KCNQ3: variants seen among roughly 807,000 people sequenced by gnomAD.
KCNQ3 encodes potassium voltage-gated channel subfamily Q member 3.
A neutral mutation model predicts 92.5 loss-of-function variants in KCNQ3; 30 were observed. That is an observed-to-expected ratio of 0.32 (90% CI 0.24 to 0.44). KCNQ3 has a LOEUF of 0.44. KCNQ3 is among the 20% of genes least tolerant of loss of function. KCNQ3 has a pLI of 1.00. For synonymous variants in KCNQ3, 450 were observed against 468.8 expected (o/e 0.96, Z 0.52); for missense variants, 913 against 1,140.3 (o/e 0.80, Z 2.87).
intron 1 of KCNQ3, among the ~76,000 whole-genome samples, chr8:132,289,676 C>T (rs1357612221): frequency 6.6e-6 from 1 of 152,134 alleles, no homozygotes; most frequent in Non-Finnish European, 1.5e-5. Flanking sequence ...TGGGTAAAGA[C>T]ATGGATTTTG....
chr8:132,204,234 C>T (rs745831997), intron 1 of KCNQ3, among the ~76,000 whole-genome samples: 11 of 152,192 alleles, frequency 7.2e-5, no homozygotes, highest in Non-Finnish European at 1.3e-4. Context: ...TGAGCTGCGC[C>T]GGAGGCAGAT....
Position 132,180,325 on chromosome 8 carries a change from G to A in KCNQ3, c.609C>T (p.Ile203=), listed in dbSNP as rs574174380. The A allele has an allele frequency of 5.0e-5, 80 of 1,614,034 alleles. 1 individual carries two copies. The South Asian group carries it at 8.2e-4, about 17-fold the overall frequency. The change falls in exon 4 of 15, where the codon ATC becomes ATT. Residue 203 remains isoleucine, a synonymous_variant. Transcript: ENST00000388996. ...CTGGCACAGAGGCAATCAGCACAAA[G>A]ATGTCTGGGAGAGAGGACAGACAGA... is the stretch of plus-strand genomic sequence containing the variant. ...FARKPLCMLD[I]FVLIASVPVV... is the part of the protein sequence containing the mutation.
chr8:132,404,867 C>G (rs1440591634), intron 1 of KCNQ3, among the ~76,000 whole-genome samples: 1 of 152,190 alleles, frequency 6.6e-6, no homozygotes, highest in East Asian at 1.9e-4. Context: ...GCAATAACCC[C>G]ATTGTCCTGA....
intron 1 of KCNQ3, among the ~76,000 whole-genome samples, chr8:132,322,442 A>G (rs950649582): frequency 2.0e-5 from 3 of 152,174 alleles, no homozygotes; most frequent in Non-Finnish European, 4.4e-5. Flanking sequence ...GCCCAGTGAC[A>G]TGGAGAAGCC....
At chr8:132,313,979 T>C (rs9297842) in intron 1 of KCNQ3, among the ~76,000 whole-genome samples, 152,241 of 152,302 alleles carry the variant, frequency 1, 76,091 homozygotes, top group Non-Finnish European at 1. Context: ...AAGTTAAGAA[T>C]AGAGAGGATA....
intron 1 of KCNQ3, among the ~76,000 whole-genome samples, chr8:132,449,415 C>T (rs1821769773): frequency 6.6e-6 from 1 of 152,066 alleles, no homozygotes; most frequent in Non-Finnish European, 1.5e-5. Context: ...AATTTCCCAT[C>T]CCCCCTCCAC....
intron 1 of KCNQ3, among the ~76,000 whole-genome samples, chr8:132,416,759 G>C (rs1820819089): frequency 6.6e-6 from 1 of 152,162 alleles, no homozygotes; most frequent in African/African-American, 2.4e-5. Flanking sequence ...TCTAGAGGAA[G>C]GTGGTGCCCA....
intron 4 of KCNQ3, among the ~76,000 whole-genome samples, chr8:132,178,252 T>G (rs2130145999): frequency 6.6e-6 from 1 of 152,196 alleles, no homozygotes; most frequent in South Asian, 2.1e-4. Flanking sequence ...AAAGATAAAA[T>G]AGAAGGTCAG....
chr8:132,480,476 GC>G lies in KCNQ3; in HGVS notation c.56del (p.Gly19AlafsTer75), dbSNP rs1488204771. On this transcript the variant is annotated frameshift_variant, in exon 1 of 15. Coordinates refer to ENST00000388996, the MANE Select transcript of KCNQ3 (RefSeq NM_004519.4). LOFTEE classifies it high-confidence loss of function. Reference sequence around the variant, plus strand: ...GGTTAGCCGCCCCGCCGCCTCCGCCGCCCCCGTCGCCGCCGCCGCCAGCCGC... The same window carrying G: ...GGTTAGCCGCCCCGCCGCCTCCGCCGCCCCGTCGCCGCCGCCGCCAGCCGC... ...AGAAGGGGDGGGGGGGAANPA... is the reference protein window; with the variant it reads ...AGAAGGGGDGXGGGGGAANPA... 2.5e-6 allele frequency: 3 copies of G among 1,223,464 alleles called. No individual in the cohort carries two copies. The highest frequency in any genetic ancestry group is 3.2e-5 in the African/African-American group (2 of 62,732). 75.8% of individuals were successfully genotyped at this position (1,223,464 alleles called of 1,614,324 possible).
chr8:132,372,853 T>C (rs2130740766), intron 1 of KCNQ3, among the ~76,000 whole-genome samples: 1 of 150,234 alleles, frequency 6.7e-6, no homozygotes, highest in Non-Finnish European at 1.5e-5. Flanking sequence ...CATCAGCTCA[T>C]GGGCCGGTTG....
intron 1 of KCNQ3, among the ~76,000 whole-genome samples, chr8:132,214,360 C>T (rs1242748463): frequency 2.0e-5 from 3 of 152,020 alleles, no homozygotes; most frequent in African/African-American, 7.3e-5. Context: ...CCTTTCTTTC[C>T]TTCTTTCCTT....
chr8:132,451,760 C>T (rs949556590), intron 1 of KCNQ3, among the ~76,000 whole-genome samples: 4 of 152,170 alleles, frequency 2.6e-5, no homozygotes, highest in Non-Finnish European at 5.9e-5. Flanking sequence ...TATTCACCCA[C>T]GACATTTTCT....
chr8:132,182,041 G>A (rs113602859), intron 3 of KCNQ3, among the ~76,000 whole-genome samples: 6,030 of 143,108 alleles, frequency 0.042, 206 homozygotes, highest in Non-Finnish European at 0.064. Flanking sequence ...GCGAGACTCC[G>A]TCTCAAAAAA....
At chr8:132,390,151 G>A (rs1323400111) in intron 1 of KCNQ3, among the ~76,000 whole-genome samples, 1 of 152,154 alleles carries the variant, frequency 6.6e-6, no homozygotes, top group African/African-American at 2.4e-5. Flanking sequence ...GAAAAAGCTA[G>A]ACACAAAGTT....
intron 9 of KCNQ3, among the ~76,000 whole-genome samples, chr8:132,159,532 G>T (rs1825919865): frequency 6.6e-6 from 1 of 152,186 alleles, no homozygotes; most frequent in African/African-American, 2.4e-5. Context: ...GCTTCTCTGG[G>T]ATTTTAGAAA....
intron 1 of KCNQ3, among the ~76,000 whole-genome samples, chr8:132,299,638 C>T (rs987600977): frequency 1.3e-5 from 2 of 152,212 alleles, no homozygotes; most frequent in African/African-American, 4.8e-5. Context: ...AGGAAGGACC[C>T]GATTAATATT....
At chr8:132,274,814 C>A (rs1347712571) in intron 1 of KCNQ3, among the ~76,000 whole-genome samples, 1 of 152,122 alleles carries the variant, frequency 6.6e-6, no homozygotes, top group Non-Finnish European at 1.5e-5. Context: ...TGACTTCAAG[C>A]TGAGATCTGA....
intron 1 of KCNQ3, among the ~76,000 whole-genome samples, chr8:132,250,472 T>C (rs1172197449): frequency 6.6e-6 from 1 of 152,166 alleles, no homozygotes; most frequent in Non-Finnish European, 1.5e-5. Context: ...GTCGTTATTA[T>C]TTTATACTGT....
At position 132,443,252 on chromosome 8, in the gene KCNQ3, C is replaced by A. The variant is rs555415598; in HGVS notation, c.386+36895G>T. 2.0e-5 allele frequency among the ~76,000 whole-genome samples: 3 copies of A among 149,972 alleles called. No homozygotes were observed. In the South Asian group the frequency reaches 6.4e-4, roughly 32 times the overall value. ...TATGGGAATCACACCCCTCCCCATCCCTTCCACCCCCAGCACTACCAATTA... is the reference window on the plus strand; with the variant it reads ...TATGGGAATCACACCCCTCCCCATCACTTCCACCCCCAGCACTACCAATTA... On this transcript the variant is annotated intron_variant, in intron 1 of 14. Coordinates refer to ENST00000388996, the MANE Select transcript of KCNQ3 (RefSeq NM_004519.4).
Sources: allele counts gnomAD v4.1 joint callset (sites outside exome capture counted in the v4.1 genomes callset), GRCh38; gene constraint gnomAD v4.1.1; transcripts MANE v1.5; gene names NCBI Gene and HGNC (gene_info 2026-07-23, HGNC 2026-07-21).